GDAP1: variants seen among roughly 807,000 people sequenced by gnomAD.
GDAP1 encodes ganglioside induced differentiation associated protein 1, also known as ganglioside-induced differentiation-associated protein 1.
Under a neutral mutation model 40.1 loss-of-function variants are expected in GDAP1, and 34 were observed. The observed-to-expected ratio is 0.85, with a 90% CI of 0.64 to 1.13. GDAP1 has a LOEUF of 1.13. GDAP1 is among the 50% of genes most tolerant of loss of function. The pLI is 0.00. For synonymous variants in GDAP1, 170 were observed against 157.4 expected (o/e 1.08, Z -0.60); for missense variants, 374 against 433.7 (o/e 0.86, Z 1.22).
At chr8:74,447,490 A>G (rs192477903) in intron 2 of GDAP1, among the ~76,000 whole-genome samples, 8 of 152,288 alleles carry the variant, frequency 5.3e-5, no homozygotes, top group Admixed American at 3.9e-4. Context: ...TGACGCCACA[A>G]GTGGAAAATA....
chr8:74,376,411 C>T lies in GDAP1; in HGVS notation c.165+25090C>T, dbSNP rs545187705. The stretch of plus-strand genomic sequence containing the variant: ...TTGCCCAGGCTGGAGTGCAGTGGCG[C>T]GATCTTGGCTGACTGCAAGCTCTGC... On this transcript the variant is annotated intron_variant, in intron 2 of 2. Transcript: ENST00000523640. Among the ~76,000 whole-genome samples, 33 of 145,426 alleles carry T rather than the reference C, an allele frequency of 2.3e-4. No homozygotes were observed. The East Asian group carries it at 2.9e-3, about 13-fold the overall frequency.
rs192710671 is a variant in GDAP1, at chr8:74,415,316, T to C, written c.165+63995T>C. ...AAATTTTAACATCATTTTAAAACAA[T>C]TTATTTCAAAATAATAGAAGAAAAG... On this transcript the variant is annotated intron_variant, in intron 2 of 2. Transcript: ENST00000523640. 2.0e-4 allele frequency among the ~76,000 whole-genome samples: 30 copies of C among 150,396 alleles called. 4 individuals are homozygous for C. Among genetic ancestry groups the C allele is most frequent in the African/African-American group, 7.6e-4 (30 of 39,668 alleles).
chr8:74,397,673 C>T (rs969327279), intron 2 of GDAP1, among the ~76,000 whole-genome samples: 10 of 151,804 alleles, frequency 6.6e-5, no homozygotes, highest in African/African-American at 9.7e-5. Context: ...TGTAGATATG[C>T]GGCATTATTT....
intron 2 of GDAP1, among the ~76,000 whole-genome samples, chr8:74,356,169 T>C (rs1809083113): frequency 6.6e-6 from 1 of 152,126 alleles, no homozygotes; most frequent in South Asian, 2.1e-4. Flanking sequence ...AAATATACCA[T>C]ATGGCATGGA....
At chr8:74,437,282 A>G (rs1806104716) in intron 2 of GDAP1, among the ~76,000 whole-genome samples, 1 of 152,208 alleles carries the variant, frequency 6.6e-6, no homozygotes. Context: ...AGATGAGGCA[A>G]GTAAGGCCCC....
chr8:74,459,746 AC>A, intron 2 of GDAP1, among the ~76,000 whole-genome samples: 1 of 152,232 alleles, frequency 6.6e-6, no homozygotes, highest in Non-Finnish European at 1.5e-5. Flanking sequence ...CTTTTGGTTA[AC>A]AGGTTTGGCT....
At chr8:74,392,231 A>G (rs953989273) in intron 2 of GDAP1, among the ~76,000 whole-genome samples, 3 of 152,204 alleles carry the variant, frequency 2.0e-5, no homozygotes, top group Admixed American at 1.3e-4. Context: ...CCTTACTCTA[A>G]CAATAAAGTG....
Position 74,366,125 on chromosome 8 carries a change from A to G in GDAP1, c.*1758A>G, listed in dbSNP as rs1046444789. 1 of 447,734 alleles carries G rather than the reference A, an allele frequency of 2.2e-6. No individual in the cohort carries two copies. Among genetic ancestry groups the G allele is most frequent in the Admixed American group, 2.4e-5 (1 of 41,038 alleles). The allele number at this position is 447,734 out of a possible 1,614,324, so 27.7% of individuals were successfully genotyped here. On this transcript the variant is annotated 3_prime_UTR_variant, in exon 6 of 6. Transcript: ENST00000220822. ...CCATGGTTAACTTTTCCTTCAATTT[A>G]TATTATTCCTGAATCATAGGGAATC...
chr8:74,388,248 C>G (rs1275119358), intron 2 of GDAP1, among the ~76,000 whole-genome samples: 2 of 152,054 alleles, frequency 1.3e-5, no homozygotes, highest in Non-Finnish European at 2.9e-5. Flanking sequence ...TCTTGCTTCT[C>G]TAGTTGTTTT....
chr8:74,434,233 A>G (rs994014934), intron 2 of GDAP1, among the ~76,000 whole-genome samples: 1 of 152,202 alleles, frequency 6.6e-6, no homozygotes, highest in Non-Finnish European at 1.5e-5. Context: ...TGTGCAGTTC[A>G]TGTAAGTTCT....
chr8:74,482,113 T>C (rs565465288), intron 2 of GDAP1, among the ~76,000 whole-genome samples: 1 of 75,188 alleles, frequency 1.3e-5, no homozygotes, highest in East Asian at 3.5e-4. Flanking sequence ...CTGAAGGGTT[T>C]TTTTTTGGGG....
chr8:74,388,446 C>T (rs1376637811), intron 2 of GDAP1, among the ~76,000 whole-genome samples: 1 of 151,890 alleles, frequency 6.6e-6, no homozygotes, highest in Non-Finnish European at 1.5e-5. Flanking sequence ...ACCCAATAGT[C>T]CATTCAGGAG....
chr8:74,368,501 A>G (rs1057429070), downstream of GDAP1, among the ~76,000 whole-genome samples: 1 of 152,230 alleles, frequency 6.6e-6, no homozygotes. Context: ...AAGTGGTTAC[A>G]TTGTAAAAAT....
chr8:74,367,098 C>A (rs138454450), downstream of GDAP1: 104 of 140,128 alleles, frequency 7.4e-4, 2 homozygotes, highest in South Asian at 1.3e-3. Context: ...ACTGATCTCT[C>A]AAAAAAAAAA....
chr8:74,366,337 A>C lies in GDAP1; in HGVS notation c.*1970A>C. The C allele has an allele frequency of 2.2e-6, 1 of 454,344 alleles. No homozygotes were observed. The highest frequency in any genetic ancestry group is 4.4e-6 in the Non-Finnish European group (1 of 226,734). The allele number at this position is 454,344 out of a possible 1,614,324, so 28.1% of individuals were successfully genotyped here. A position where few individuals can be genotyped will look rare whatever the true frequency, so the allele number is the denominator to read the frequency against. On this transcript the variant is annotated 3_prime_UTR_variant, in exon 6 of 6. Coordinates refer to ENST00000220822, the MANE Select transcript of GDAP1 (RefSeq NM_018972.4). The stretch of plus-strand genomic sequence containing the variant: ...GATTGAGTGTTCTTTTTGTTCAGCA[A>C]CTCTTCTAAAATGTTTCAAGCAAAG...
At chr8:74,477,674 G>T (rs993548028) in intron 2 of GDAP1, among the ~76,000 whole-genome samples, 2 of 152,080 alleles carry the variant, frequency 1.3e-5, no homozygotes, top group African/African-American at 2.4e-5. Flanking sequence ...AGGGGCCCAG[G>T]TACTCCCAGA....
intron 2 of GDAP1, among the ~76,000 whole-genome samples, chr8:74,459,634 A>G (rs1385206776): frequency 6.6e-6 from 1 of 152,224 alleles, no homozygotes; most frequent in East Asian, 1.9e-4. Context: ...TAGGAATAAA[A>G]TGAATATTTA....
At chr8:74,462,054 C>T (rs1806408142) in intron 2 of GDAP1, among the ~76,000 whole-genome samples, 1 of 152,002 alleles carries the variant, frequency 6.6e-6, no homozygotes, top group East Asian at 1.9e-4. Flanking sequence ...AAAGATGGAA[C>T]TAAGAGATGG....
intron 2 of GDAP1, among the ~76,000 whole-genome samples, chr8:74,452,955 A>G (rs1806304130): frequency 1.2e-5 from 1 of 83,070 alleles, no homozygotes; most frequent in Non-Finnish European, 2.4e-5. Flanking sequence ...TGGATTGATC[A>G]TGTTAGGTTA....
Sources: allele counts gnomAD v4.1 joint callset (sites outside exome capture counted in the v4.1 genomes callset), GRCh38; gene constraint gnomAD v4.1.1; transcripts MANE v1.5; gene names NCBI Gene and HGNC (gene_info 2026-07-23, HGNC 2026-07-21).